Variants in CDC37L1 observed in about 807,000 individuals in gnomAD.
CDC37L1 encodes the protein hsp90 co-chaperone Cdc37-like 1.
Under a neutral mutation model 45.9 loss-of-function variants are expected in CDC37L1, and 32 were observed. That is an observed-to-expected ratio of 0.70 (90% CI 0.53 to 0.94). CDC37L1 has a LOEUF of 0.94. Among genes scored for constraint, CDC37L1 ranks in the 40% least tolerant of loss-of-function variants. The pLI is 0.00. For missense variants in CDC37L1, 434 were observed against 405.7 expected (o/e 1.07, Z -0.60); for synonymous variants, 150 against 133.0 (o/e 1.13, Z -0.88).
In CDC37L1 at chr9:4,679,695, C is replaced by T; in HGVS notation, c.-73C>T. Reference sequence around the variant, plus strand: ...GGCTTCTGGCTCGGCGCAGCAGGTTCCATTCACGCCAAGTCTGTTGGCAGT... The same window carrying T: ...GGCTTCTGGCTCGGCGCAGCAGGTTTCATTCACGCCAAGTCTGTTGGCAGT... On this transcript the variant is annotated 5_prime_UTR_variant, in exon 1 of 7. Coordinates refer to ENST00000381854, the MANE Select transcript of CDC37L1 (RefSeq NM_017913.4). 7.0e-7 allele frequency: 1 copy of T among 1,420,540 alleles called. No individual in the cohort carries two copies. Among genetic ancestry groups the T allele is most frequent in the Non-Finnish European group, 9.6e-7 (1 of 1,045,316 alleles). The allele number at this position is 1,420,540 out of a possible 1,614,324, so 88.0% of individuals were successfully genotyped here.
chr9:4,685,040 C>A lies in CDC37L1; in HGVS notation c.296C>A (p.Ala99Glu). The A allele has an allele frequency of 1.2e-6, 2 of 1,613,962 alleles. No individual in the cohort carries two copies. Among genetic ancestry groups the A allele is most frequent in the South Asian group, 2.2e-5 (2 of 91,072 alleles). ...CAGGAGCATGCCAAAGCACAAACAG[C>A]AGTATCAGAACTGAGGCAACGGGAA... The part of the protein sequence containing the change: ...LDQEHAKAQT[A>E]VSELRQREEE... Residue 99 changes from alanine (A) to glutamate (E), a missense_variant, in exon 2 of 7, where the codon GCA becomes GAA. Transcript: ENST00000381854.
At chr9:4,703,132 A>G in intron 6 of CDC37L1, 2 of 1,519,724 alleles carry the variant, frequency 1.3e-6, no homozygotes, top group Non-Finnish European at 1.8e-6. Context: ...TCTGTTGTCT[A>G]CATTGTGAGA....
intron 3 of CDC37L1, 126 bp downstream of exon 3, chr9:4,688,732 A>T (rs545414314): frequency 8.3e-6 from 5 of 599,442 alleles, no homozygotes; most frequent in African/African-American, 7.9e-5. Context: ...AGCTTCTGGC[A>T]CAGCTGTATA....
Position 4,685,051 on chromosome 9 carries a change from C to A in CDC37L1, c.307C>A (p.Leu103Met), listed in dbSNP as rs182051701. The A allele has an allele frequency of 2.5e-6, 4 of 1,614,044 alleles. No individual in the cohort carries two copies. In the Admixed American group the frequency reaches 6.7e-5, roughly 27 times the overall value. ...HAKAQTAVSE[L>M]RQREEEWRQK... ...CAAAGCACAAACAGCAGTATCAGAA[C>A]TGAGGCAACGGGAAGAAGAGTGGCG... The change falls in exon 2 of 7, where the codon CTG becomes ATG. Residue 103 changes from leucine (L) to methionine (M), a missense_variant. By Grantham distance (15) the Leu-to-Met change is conservative. Coordinates refer to ENST00000381854, the MANE Select transcript of CDC37L1 (RefSeq NM_017913.4).
chr9:4,693,484 T>C (rs1841319978), intron 3 of CDC37L1, among the ~76,000 whole-genome samples: 1 of 151,958 alleles, frequency 6.6e-6, no homozygotes, highest in Non-Finnish European at 1.5e-5. Context: ...ATAATAATTC[T>C]ATAAGTGTAA....
chr9:4,680,306 C>A (rs1044191885), intron 1 of CDC37L1, among the ~76,000 whole-genome samples: 1 of 152,202 alleles, frequency 6.6e-6, no homozygotes, highest in Non-Finnish European at 1.5e-5. Context: ...TGCACAGTTG[C>A]TAGGAACAGT....
chr9:4,687,616 C>G (rs1324384999), intron 2 of CDC37L1, among the ~76,000 whole-genome samples: 2 of 140,458 alleles, frequency 1.4e-5, no homozygotes, highest in African/African-American at 5.4e-5. Context: ...GAGGTTGAGG[C>G]TGCAGTGAGC....
At chr9:4,692,358 C>T (rs912605087) in intron 3 of CDC37L1, among the ~76,000 whole-genome samples, 17 of 152,050 alleles carry the variant, frequency 1.1e-4, no homozygotes, top group African/African-American at 4.1e-4. Context: ...CAACCTCCGC[C>T]TCCCGGGTTC....
At chr9:4,681,272 C>G (rs1464611204) in intron 1 of CDC37L1, among the ~76,000 whole-genome samples, 1 of 152,174 alleles carries the variant, frequency 6.6e-6, no homozygotes, top group Non-Finnish European at 1.5e-5. Context: ...TTGTGCACTT[C>G]TAAATTTGTT....
chr9:4,697,876 C>G lies in CDC37L1; in HGVS notation c.744C>G (p.Ala248=). 2 of 1,612,878 alleles carry G rather than the reference C, an allele frequency of 1.2e-6. No homozygotes were observed. Among genetic ancestry groups the G allele is most frequent in the Non-Finnish European group, 8.5e-7 (1 of 1,179,460 alleles). ...GTTTTCGTTTATTTTTCCAGAAAGC[C>G]AAAGTAAGTAGTTATTTGATATTGA... ...RGCFRLFFQK[A]KAEEEGYFEA... is the part of the protein sequence containing the mutation. Residue 248 remains alanine, a synonymous_variant, in exon 5 of 7, where the codon GCC becomes GCG. Transcript: ENST00000381854.
rs78211566 is a variant in CDC37L1 at position 4,707,560 on chromosome 9, T to C, written c.*1448T>C. 4 of 152,380 alleles carry C rather than the reference T, an allele frequency of 2.6e-5. No individual in the cohort carries two copies. The South Asian group carries it at 6.2e-4, about 24-fold the overall frequency. 9.4% of individuals were successfully genotyped at this position (152,380 alleles called of 1,614,324 possible). On this transcript the variant is annotated 3_prime_UTR_variant, in exon 7 of 7. Transcript: ENST00000381854. Reference sequence around the variant, plus strand: ...GTACCCTAGAAATGGACTGGAATTATTGAATCTTCTTCTGTAACATCACAA... The same window carrying C: ...GTACCCTAGAAATGGACTGGAATTACTGAATCTTCTTCTGTAACATCACAA...
Position 4,708,115 on chromosome 9 carries a change from G to A in CDC37L1, c.*2003G>A, listed in dbSNP as rs1841463678. On this transcript the variant is annotated 3_prime_UTR_variant, in exon 7 of 7. Transcript: ENST00000381854. ...GAACCACTGACTGATGCCATAATTT[G>A]CACTTAAAGGCTATAAATTACATAG... The A allele has an allele frequency of 6.6e-6, 1 of 152,214 alleles. No homozygotes were observed. The highest frequency in any genetic ancestry group is 2.4e-5 in the African/African-American group (1 of 41,458). The allele number at this position is 152,214 out of a possible 1,614,324, so 9.4% of individuals were successfully genotyped here. A position where few individuals can be genotyped will look rare whatever the true frequency, so the allele number is the denominator to read the frequency against.
chr9:4,688,293 C>T (rs57218896), intron 2 of CDC37L1, among the ~76,000 whole-genome samples: 14,578 of 152,198 alleles, frequency 0.096, 1,111 homozygotes, highest in East Asian at 0.36. Flanking sequence ...CCACCACACC[C>T]GGCCTCATAC....
intron 5 of CDC37L1, among the ~76,000 whole-genome samples, chr9:4,700,489 A>G (rs774067855): frequency 1.8e-4 from 27 of 152,204 alleles, no homozygotes; most frequent in South Asian, 2.1e-4. Context: ...AGTAAAAAAC[A>G]TACTTTCCTT....
chr9:4,700,678 C>T (rs1035057833), intron 5 of CDC37L1, among the ~76,000 whole-genome samples: 1 of 152,114 alleles, frequency 6.6e-6, no homozygotes. Flanking sequence ...TAATCACTTT[C>T]ATGGTATGCT....
chr9:4,696,204 T>C (rs1302986742), intron 3 of CDC37L1, among the ~76,000 whole-genome samples: 1 of 152,220 alleles, frequency 6.6e-6, no homozygotes, highest in Non-Finnish European at 1.5e-5. Flanking sequence ...TGTGTACTGA[T>C]GTGGAATTAA....
intron 3 of CDC37L1, among the ~76,000 whole-genome samples, chr9:4,691,592 T>C (rs1841301584): frequency 6.6e-6 from 1 of 152,132 alleles, no homozygotes. Flanking sequence ...GTGTGGGGGC[T>C]GTATAGGGCT....
chr9:4,689,371 T>A (rs1841280514), intron 3 of CDC37L1, among the ~76,000 whole-genome samples: 1 of 152,068 alleles, frequency 6.6e-6, no homozygotes, highest in Non-Finnish European at 1.5e-5. Flanking sequence ...GTAAACATGG[T>A]TTTTATTTGT....
intron 2 of CDC37L1, among the ~76,000 whole-genome samples, chr9:4,686,662 A>G (rs1841250493): frequency 6.6e-6 from 1 of 152,190 alleles, no homozygotes; most frequent in South Asian, 2.1e-4. Context: ...GACAGCCTAC[A>G]TTTATCTCAC....
Sources: gnomAD v4.1 joint callset for allele counts (sites outside exome capture counted in the v4.1 genomes callset) on GRCh38, gnomAD v4.1.1 for gene constraint, MANE v1.5 for transcripts, NCBI Gene and HGNC (gene_info 2026-07-23, HGNC 2026-07-21) for gene names.